AKAP13: variants seen among roughly 807,000 people sequenced by gnomAD.
AKAP13 encodes the protein A-kinase anchor protein 13.
AKAP13 carries 80 observed loss-of-function variants against 264.5 expected under a neutral mutation model. That is an observed-to-expected ratio of 0.30 (90% CI 0.25 to 0.36). AKAP13 has a LOEUF of 0.36. AKAP13 is among the 10% of genes least tolerant of loss of function. The pLI is 1.00. For missense variants in AKAP13, 3,712 were observed against 3,435.2 expected, an observed-to-expected ratio of 1.08 and a Z score of -2.01; for synonymous variants, 1,380 against 1,250.2, an observed-to-expected ratio of 1.10 and a Z score of -2.19.
chr15:85,409,627 T>G (rs1468618901), intron 1 of AKAP13, among the ~76,000 whole-genome samples: 1 of 87,334 alleles, frequency 1.1e-5, no homozygotes, highest in African/African-American at 8.4e-5. Context: ...CTAGTAGTAG[T>G]TTTTTTTTTT....
rs2083062273 is a variant in AKAP13, at chr15:85,655,772, A to G, written c.4730A>G (p.Glu1577Gly). 1 of 1,608,780 alleles carries G rather than the reference A, an allele frequency of 6.2e-7. No homozygotes were observed. The highest frequency in any genetic ancestry group is 8.5e-7 in the Non-Finnish European group (1 of 1,175,708). Reference sequence around the variant, plus strand: ...GGGAAAAATGCAGCCAGCGATGCAGAAATGAACCACCGGAGGTGAGATGGG... The same window carrying G: ...GGGAAAAATGCAGCCAGCGATGCAGGAATGAACCACCGGAGGTGAGATGGG... ...GPGKNAASDA[E>G]MNHRSSMRVL... Residue 1577 changes from glutamate to glycine, a missense_variant, in exon 11 of 37, where the codon GAA becomes GGA. By Grantham distance (98) the Glu-to-Gly change is moderately conservative. Around this residue, in one of 3 missense-constraint regions of AKAP13, gnomAD observed 2,759 missense variants for 2,411.7 expected, o/e 1.14. Transcript: ENST00000394518.
intron 2 of AKAP13, among the ~76,000 whole-genome samples, chr15:85,487,965 A>G (rs1441035504): frequency 1.3e-5 from 2 of 152,206 alleles, no homozygotes; most frequent in African/African-American, 4.8e-5. Context: ...TGGCGCGACC[A>G]TGACTCACTG....
intron 8 of AKAP13, among the ~76,000 whole-genome samples, chr15:85,604,690 C>T (rs1406416676): frequency 1.3e-5 from 2 of 152,134 alleles, no homozygotes; most frequent in Non-Finnish European, 2.9e-5. Flanking sequence ...TCTTGAACTC[C>T]TGACCTCAGG....
At chr15:85,502,904 A>C (rs1441510800) in intron 2 of AKAP13, among the ~76,000 whole-genome samples, 2 of 152,242 alleles carry the variant, frequency 1.3e-5, no homozygotes, top group Non-Finnish European at 2.9e-5. Context: ...GTAAAACCAA[A>C]AAGTAATCAA....
rs1371263867 is a variant in AKAP13, at chr15:85,747,763, GA to G, written c.*3087del. 2.6e-5 allele frequency: 4 copies of G among 152,700 alleles called. No homozygotes were observed. Among genetic ancestry groups the G allele is most frequent in the Admixed American group, 2.6e-4 (4 of 15,282 alleles). 9.5% of individuals were successfully genotyped at this position (152,700 alleles called of 1,614,324 possible). Reference sequence around the variant, plus strand: ...TTGCCAGTATTCCCTCTACCCCCGTGAGAGCTATCTGGGGGGAAGAATCCTT... The same window carrying G: ...TTGCCAGTATTCCCTCTACCCCCGTGGAGCTATCTGGGGGGAAGAATCCTT... On this transcript the variant is annotated 3_prime_UTR_variant, in exon 37 of 37. Transcript: ENST00000394518.
intron 2 of AKAP13, among the ~76,000 whole-genome samples, chr15:85,516,511 C>G (rs2076605277): frequency 6.6e-6 from 1 of 152,198 alleles, no homozygotes; most frequent in Admixed American, 6.5e-5. Context: ...TATGATGACA[C>G]TGTTACCTAT....
chr15:85,637,150 T>C lies in AKAP13; in HGVS notation c.4162-2224T>C, dbSNP rs76009724. Among the ~76,000 whole-genome samples the C allele has an allele frequency of 4.2e-3, 640 of 152,352 alleles. 26 individuals carry two copies. The East Asian group carries it at 0.11, about 26-fold the overall frequency. On this transcript the variant is annotated intron_variant, in intron 8 of 36. Coordinates refer to ENST00000394518, the MANE Select transcript of AKAP13 (RefSeq NM_007200.5). ...CTGTCTGGTTTTGATTTCAGAGTAATGCTAGGCTCATAAAATGAGCTGCAT... is the reference window on the plus strand; with the variant it reads ...CTGTCTGGTTTTGATTTCAGAGTAACGCTAGGCTCATAAAATGAGCTGCAT...
intron 10 of AKAP13, among the ~76,000 whole-genome samples, chr15:85,646,228 A>G (rs912760014): frequency 3.3e-5 from 5 of 152,086 alleles, no homozygotes; most frequent in African/African-American, 1.2e-4. Context: ...TAATCCCAAC[A>G]CTTTGGGAGG....
chr15:85,405,805 T>C (rs540822485), intron 1 of AKAP13, among the ~76,000 whole-genome samples: 52 of 152,236 alleles, frequency 3.4e-4, no homozygotes, highest in African/African-American at 1.2e-3. Context: ...GAAAGTACTC[T>C]CTGTTGCATG....
At position 85,579,656 on chromosome 15, in the gene AKAP13, A is replaced by G. The variant is rs756684469; in HGVS notation, c.1588A>G (p.Lys530Glu). ...GCACGTCACAAGTAAGCCTGTGGAT[A>G]AAATCAGTGTTCCAAACTGTGCCCC... ...DVHVTSKPVD[K>E]ISVPNCAPAA... Residue 530 changes from lysine (K) to glutamate (E), a missense_variant, in exon 7 of 37, where the codon AAA (lysine) becomes GAA (glutamate). By Grantham distance (56) the Lys-to-Glu change is moderately conservative. This residue lies in a region of AKAP13 where 2,759 missense variants were observed against 2,411.7 expected (regional missense o/e 1.14). Transcript: ENST00000394518. The G allele has an allele frequency of 7.4e-6, 12 of 1,614,104 alleles. No individual in the cohort carries two copies. The Admixed American group carries it at 1.8e-4, about 25-fold the overall frequency.
rs752720941 is a variant in AKAP13 at position 85,741,243 on chromosome 15, G to GCGTGAGTGGGAAGCT, written c.7813_7827dup (p.Trp2605_Glu2609dup). 1.2e-6 allele frequency: 2 copies of GCGTGAGTGGGAAGCT among 1,609,470 alleles called. No homozygotes were observed. The highest frequency in any genetic ancestry group is 1.1e-5 in the South Asian group (1 of 90,502). On this transcript the variant is annotated inframe_insertion, in exon 35 of 37. Coordinates refer to ENST00000394518, the MANE Select transcript of AKAP13 (RefSeq NM_007200.5). Reference sequence around the variant, plus strand: ...ACCTCGAGGAGAAGCGCAGGCGCGAGCGTGAGTGGGAAGCTCGTGAGAGGG... The same window carrying GCGTGAGTGGGAAGCT: ...ACCTCGAGGAGAAGCGCAGGCGCGAGCGTGAGTGGGAAGCTCGTGAGTGGGAAGCTCGTGAGAGGG...
chr15:85,383,135 C>T (rs1219263121), intron 1 of AKAP13, among the ~76,000 whole-genome samples: 4 of 152,056 alleles, frequency 2.6e-5, no homozygotes, highest in Non-Finnish European at 4.4e-5. Flanking sequence ...CCAAGCCATC[C>T]TCCCACCTCA....
chr15:85,652,456 G>A (rs1001662407), intron 10 of AKAP13, among the ~76,000 whole-genome samples: 6 of 152,118 alleles, frequency 3.9e-5, no homozygotes, highest in Admixed American at 3.3e-4. Context: ...CAAAATTTTT[G>A]TTTGCCTTGA....
intron 1 of AKAP13, among the ~76,000 whole-genome samples, chr15:85,416,136 G>C (rs1251605995): frequency 6.6e-6 from 1 of 152,170 alleles, no homozygotes; most frequent in Non-Finnish European, 1.5e-5. Flanking sequence ...TTAAAGAATA[G>C]GTTACTCTTT....
At position 85,581,461 on chromosome 15, in the gene AKAP13, T is replaced by G. The variant is rs776772330; in HGVS notation, c.3393T>G (p.Gly1131=). The G allele has an allele frequency of 3.1e-6, 5 of 1,614,148 alleles. No homozygotes were observed. In the South Asian group the frequency reaches 5.5e-5, roughly 18 times the overall value. The change falls in exon 7 of 37, where the codon GGT becomes GGG. Residue 1131 remains glycine (G), a synonymous_variant. Coordinates refer to ENST00000394518, the MANE Select transcript of AKAP13 (RefSeq NM_007200.5). ...GCCAAGAGAAGAATGCCGTTCTAGGTTTGCCAGTGGCTCTACAGGACAAAG... is the reference window on the plus strand; with the variant it reads ...GCCAAGAGAAGAATGCCGTTCTAGGGTTGCCAGTGGCTCTACAGGACAAAG... ...LLSQEKNAVL[G]LPVALQDKAV...
At chr15:85,632,300 T>C (rs2081873590) in intron 8 of AKAP13, among the ~76,000 whole-genome samples, 1 of 152,236 alleles carries the variant, frequency 6.6e-6, no homozygotes. Context: ...AGGTTGATGC[T>C]GTGTCACAGC....
chr15:85,488,615 A>G (rs1042032834), intron 2 of AKAP13, among the ~76,000 whole-genome samples: 6 of 152,234 alleles, frequency 3.9e-5, no homozygotes, highest in Admixed American at 6.5e-5. Flanking sequence ...CGTTGTAATT[A>G]CAGGAGTTCT....
At chr15:85,608,995 A>G in intron 8 of AKAP13, among the ~76,000 whole-genome samples, 1 of 152,106 alleles carries the variant, frequency 6.6e-6, no homozygotes, top group East Asian at 1.9e-4. Flanking sequence ...TTCATTTTTA[A>G]TTGACACATA....
At chr15:85,509,482 A>G (rs939272503) in intron 2 of AKAP13, among the ~76,000 whole-genome samples, 4 of 152,150 alleles carry the variant, frequency 2.6e-5, no homozygotes, top group African/African-American at 4.8e-5. Context: ...TTAGGATTTT[A>G]GATTTTTTTC....
Sources: allele counts gnomAD v4.1 joint callset (sites outside exome capture counted in the v4.1 genomes callset), GRCh38; gene constraint gnomAD v4.1.1; regional missense constraint gnomAD v4.1.1; transcripts MANE v1.5; gene names NCBI Gene and HGNC (gene_info 2026-07-23, HGNC 2026-07-21).